Variants in PAN3 observed in about 807,000 individuals in gnomAD.
The protein encoded by PAN3 is poly(A) specific ribonuclease subunit PAN3.
A neutral mutation model predicts 96.2 loss-of-function variants in PAN3; 19 were observed. That is an observed-to-expected ratio of 0.20 (90% confidence interval 0.14 to 0.29). The LOEUF (loss-of-function observed/expected upper bound fraction) is 0.29. Ranked by LOEUF, PAN3 falls within the 10% of genes least tolerant of loss-of-function variation. PAN3 has a pLI of 1.00. For synonymous variants in PAN3, 433 were observed against 406.6 expected, an observed-to-expected ratio of 1.06 and a Z score of -0.78; for missense variants, 882 against 1,108.1, an observed-to-expected ratio of 0.80 and a Z score of 2.90.
At chr13:28,165,459 A>G (rs1336327584) in intron 1 of PAN3, among the ~76,000 whole-genome samples, 1 of 152,006 alleles carries the variant, frequency 6.6e-6, no homozygotes, top group Non-Finnish European at 1.5e-5. Context: ...TGTTTAGTAT[A>G]GTAGCAAGAT....
intron 1 of PAN3, among the ~76,000 whole-genome samples, chr13:28,143,160 T>C (rs894029240): frequency 1.3e-5 from 2 of 152,078 alleles, no homozygotes; most frequent in Non-Finnish European, 2.9e-5. Flanking sequence ...TGCTGTGTTG[T>C]CTAGGTTGGA....
rs1209534016 is a variant in PAN3, at chr13:28,294,745, A to G, written c.*2223A>G. ...TAACCTCAGGACTTGGTTTGCATAT[A>G]AAAGGTAGACAGCTGATATGTTTTC... On this transcript the variant is annotated 3_prime_UTR_variant, in exon 19 of 19. Coordinates refer to ENST00000380958, the MANE Select transcript of PAN3 (RefSeq NM_175854.8). 6.6e-6 allele frequency: 1 copy of G among 152,626 alleles called. No individual in the cohort carries two copies. The highest frequency in any genetic ancestry group is 1.9e-4 in the East Asian group (1 of 5,198). 9.5% of individuals were successfully genotyped at this position (152,626 alleles called of 1,614,324 possible).
At chr13:28,257,244 C>A (rs1885219646) in intron 7 of PAN3, among the ~76,000 whole-genome samples, 1 of 151,876 alleles carries the variant, frequency 6.6e-6, no homozygotes, top group South Asian at 2.1e-4. Flanking sequence ...TAGTAATGTT[C>A]CAGGAGAGGG....
chr13:28,251,047 A>G (rs763562319), intron 6 of PAN3, among the ~76,000 whole-genome samples: 5 of 151,372 alleles, frequency 3.3e-5, no homozygotes, highest in African/African-American at 4.9e-5. Context: ...GATTTATCTA[A>G]TTTATTGTTT....
intron 6 of PAN3, among the ~76,000 whole-genome samples, chr13:28,237,824 A>C (rs1426065156): frequency 2.6e-5 from 4 of 152,200 alleles, no homozygotes; most frequent in Non-Finnish European, 5.9e-5. Flanking sequence ...GCATTTAAAC[A>C]AAGATTATTG....
chr13:28,240,838 A>AT (rs1264200648), intron 6 of PAN3, among the ~76,000 whole-genome samples: 1 of 152,130 alleles, frequency 6.6e-6, no homozygotes, highest in Non-Finnish European at 1.5e-5. Flanking sequence ...GATTCTGTTG[A>AT]TTTTTGGATG....
intron 6 of PAN3, among the ~76,000 whole-genome samples, chr13:28,230,886 GTTCTT>G (rs1469662531): frequency 6.6e-6 from 1 of 152,102 alleles, no homozygotes; most frequent in Non-Finnish European, 1.5e-5. Flanking sequence ...GAAAAAAATG[GTTCTT>G]TTCAACCAAA....
Position 28,281,335 on chromosome 13 carries a change from G to A in PAN3, c.2340G>A (p.Leu780=), listed in dbSNP as rs755602923. Residue 780 remains leucine (L), a synonymous_variant, in exon 17 of 19, where the codon CTG becomes CTA. Transcript: ENST00000380958. ...DLAKEVQNGR[L]FRLLAKLGTI... is the part of the protein sequence containing the mutation. Reference sequence around the variant, plus strand: ...TATAGGAGGTTCAAAATGGAAGACTGTTTAGGCTCCTAGCAAAATTGGGAA... The same window carrying A: ...TATAGGAGGTTCAAAATGGAAGACTATTTAGGCTCCTAGCAAAATTGGGAA... 1 of 1,611,348 alleles carries A rather than the reference G, an allele frequency of 6.2e-7. No homozygotes were observed. Among genetic ancestry groups the A allele is most frequent in the Non-Finnish European group, 8.5e-7 (1 of 1,177,996 alleles).
chr13:28,200,528 G>C (rs1285431063), intron 5 of PAN3, among the ~76,000 whole-genome samples: 1 of 152,130 alleles, frequency 6.6e-6, no homozygotes, highest in Non-Finnish European at 1.5e-5. Context: ...TTCAGTGCTG[G>C]ATTTCTTTCA....
chr13:28,152,950 C>T lies in PAN3; in HGVS notation c.430+13863C>T, dbSNP rs143579062. Among the ~76,000 whole-genome samples the T allele has an allele frequency of 1.2e-4, 18 of 152,150 alleles. No individual in the cohort carries two copies. The East Asian group carries it at 1.9e-3, about 16-fold the overall frequency. ...AAAGACACTCTGGTATGACGCTTTT[C>T]GAGGTCAGTATTCATTAAAATTTAA... On this transcript the variant is annotated intron_variant, in intron 1 of 18. Coordinates refer to ENST00000380958, the MANE Select transcript of PAN3 (RefSeq NM_175854.8).
At chr13:28,201,176 A>C (rs1233450630) in intron 5 of PAN3, among the ~76,000 whole-genome samples, 2 of 151,382 alleles carry the variant, frequency 1.3e-5, no homozygotes, top group Admixed American at 6.6e-5. Context: ...CTGGGACTGC[A>C]GGCACATATC....
intron 1 of PAN3, among the ~76,000 whole-genome samples, chr13:28,145,665 G>A (rs916414189): frequency 3.3e-5 from 5 of 151,138 alleles, no homozygotes; most frequent in Non-Finnish European, 5.9e-5. Flanking sequence ...TTAAGGAGAC[G>A]AGCTGGCCTT....
chr13:28,208,991 C>T (rs763278476), intron 5 of PAN3, among the ~76,000 whole-genome samples: 1 of 152,116 alleles, frequency 6.6e-6, no homozygotes, highest in Non-Finnish European at 1.5e-5. Flanking sequence ...CCTCACCACC[C>T]GCAGATACCA....
chr13:28,280,545 A>G lies in PAN3; in HGVS notation c.2319+4A>G. ...CATAGAGGAAGACCTTGCAAAGGTA[A>G]AGAGTGTAAATTTTTTTTTTTTTTT... is the stretch of plus-strand genomic sequence containing the variant. On this transcript the variant is annotated splice_donor_region_variant and intron_variant, in intron 16 of 18. Transcript: ENST00000380958. The G allele has an allele frequency of 2.6e-6, 4 of 1,565,434 alleles. No homozygotes were observed. Among genetic ancestry groups the G allele is most frequent in the Non-Finnish European group, 3.4e-6 (4 of 1,163,492 alleles).
chr13:28,189,599 G>A (rs1196731266), intron 4 of PAN3, among the ~76,000 whole-genome samples: 4 of 151,742 alleles, frequency 2.6e-5, no homozygotes, highest in African/African-American at 9.7e-5. Context: ...AAGGACTTGC[G>A]ATGCTGAATT....
At chr13:28,141,014 T>TA (rs1593340873) in intron 1 of PAN3, among the ~76,000 whole-genome samples, 2 of 143,082 alleles carry the variant, frequency 1.4e-5, no homozygotes, top group East Asian at 3.9e-4. Flanking sequence ...TTTTTTTTTT[T>TA]TTTTTTTTGA....
At chr13:28,162,688 A>G (rs956805176) in intron 1 of PAN3, among the ~76,000 whole-genome samples, 6 of 151,306 alleles carry the variant, frequency 4.0e-5, no homozygotes, top group South Asian at 2.1e-4. Context: ...AGTTTGTACA[A>G]ATGTGCTAGG....
chr13:28,160,294 A>T (rs1402398619), intron 1 of PAN3, among the ~76,000 whole-genome samples: 1 of 152,150 alleles, frequency 6.6e-6, no homozygotes, highest in Admixed American at 6.6e-5. Context: ...ACTTCTAAGG[A>T]TGGAAATGGG....
intron 4 of PAN3, among the ~76,000 whole-genome samples, chr13:28,190,399 C>A (rs1052024674): frequency 1.3e-5 from 2 of 151,624 alleles, no homozygotes; most frequent in African/African-American, 4.9e-5. Context: ...CACCACCACA[C>A]CTGGCTTATT....
Sources: allele counts gnomAD v4.1 joint callset (sites outside exome capture counted in the v4.1 genomes callset), GRCh38; gene constraint gnomAD v4.1.1; transcripts MANE v1.5; gene names NCBI Gene and HGNC (gene_info 2026-07-23, HGNC 2026-07-21).